STK32B: variants seen among roughly 807,000 people sequenced by gnomAD.
The protein encoded by STK32B is serine/threonine-protein kinase 32B.
STK32B carries 43 observed loss-of-function variants against 52.6 expected under a neutral mutation model. That is an observed-to-expected ratio of 0.82 (90% CI 0.64 to 1.05). The LOEUF is 1.05. Among genes scored for constraint, STK32B ranks in the 50% least tolerant of loss-of-function variants. The pLI, the probability that STK32B is intolerant of heterozygous loss-of-function variation, is 0.00. For missense variants in STK32B, 621 were observed against 534.6 expected (o/e 1.16, Z -1.59); for synonymous variants, 238 against 204.3 (o/e 1.17, Z -1.41).
chr4:5,052,810 A>T lies in STK32B; in HGVS notation c.52+895A>T, dbSNP rs113696508. On this transcript the variant is annotated intron_variant, in intron 1 of 11. Transcript: ENST00000282908. The stretch of plus-strand genomic sequence containing the variant: ...TCAAAGCTGGTTTCCTACTGTGCTG[A>T]CTCGCCAGTCTCCACTGTGCCCCAG... Among the ~76,000 whole-genome samples, 858 of 152,064 alleles carry T rather than the reference A, an allele frequency of 5.6e-3. 7 individuals are homozygous for T. Among genetic ancestry groups the T allele is most frequent in the African/African-American group, 0.014 (585 of 41,466 alleles).
intron 4 of STK32B, among the ~76,000 whole-genome samples, chr4:5,362,116 G>A (rs574966418): frequency 1.3e-5 from 2 of 152,284 alleles, no homozygotes; most frequent in East Asian, 1.9e-4. Context: ...AAGATGTATA[G>A]AACACATTTT....
At chr4:5,145,802 A>G (rs1358697480) in intron 2 of STK32B, among the ~76,000 whole-genome samples, 1 of 152,100 alleles carries the variant, frequency 6.6e-6, no homozygotes, top group Non-Finnish European at 1.5e-5. Context: ...TGTTAATTTT[A>G]TTAGTGGTGT....
chr4:5,353,544 T>TAA (rs138450850), intron 4 of STK32B, among the ~76,000 whole-genome samples: 1 of 142,118 alleles, frequency 7.0e-6, no homozygotes, highest in Non-Finnish European at 1.6e-5. Flanking sequence ...AACTCAACAG[T>TAA]AAAAAAAAAA....
chr4:5,451,612 C>T (rs1379137036), intron 7 of STK32B, among the ~76,000 whole-genome samples: 1 of 152,132 alleles, frequency 6.6e-6, no homozygotes, highest in Admixed American at 6.5e-5. Context: ...GCCCGTGGTA[C>T]AGGTTTCTCC....
intron 4 of STK32B, among the ~76,000 whole-genome samples, chr4:5,332,344 A>G (rs1175269743): frequency 6.6e-6 from 1 of 152,170 alleles, no homozygotes; most frequent in East Asian, 1.9e-4. Context: ...TAATGTTGCT[A>G]CTGGGGAGAG....
intron 11 of STK32B, among the ~76,000 whole-genome samples, chr4:5,473,598 C>G (rs952445438): frequency 1.3e-5 from 2 of 152,130 alleles, no homozygotes; most frequent in East Asian, 3.9e-4. Context: ...ATCAAAATAG[C>G]CCCTGGCCAT....
rs528937420 is a variant in STK32B, at chr4:5,206,229, G to A, written c.260+37779G>A. 1.1e-4 allele frequency among the ~76,000 whole-genome samples: 17 copies of A among 152,282 alleles called. No individual in the cohort carries two copies. In the East Asian group the frequency reaches 3.1e-3, roughly 28 times the overall value. Reference sequence around the variant, plus strand: ...ACCCTTAGAAGCTAATGAAAGTGATGACTGTCTTCTCTTAGGATAATTAAT... The same window carrying A: ...ACCCTTAGAAGCTAATGAAAGTGATAACTGTCTTCTCTTAGGATAATTAAT... On this transcript the variant is annotated intron_variant, in intron 3 of 11. Transcript: ENST00000282908.
chr4:5,091,256 A>G (rs923083066), intron 1 of STK32B, among the ~76,000 whole-genome samples: 1 of 152,172 alleles, frequency 6.6e-6, no homozygotes, highest in African/African-American at 2.4e-5. Flanking sequence ...AAATATTTTT[A>G]TGCATCGAAG....
intron 6 of STK32B, among the ~76,000 whole-genome samples, chr4:5,443,072 A>C (rs1231046620): frequency 2.0e-5 from 3 of 150,146 alleles, no homozygotes; most frequent in African/African-American, 7.4e-5. Context: ...TGAATCTGAC[A>C]ATTATGTGTC....
chr4:5,474,104 ACT>A lies in STK32B; in HGVS notation c.1106+6037_1106+6038del, dbSNP rs372043650. On this transcript the variant is annotated intron_variant, in intron 11 of 11. Coordinates refer to ENST00000282908, the MANE Select transcript of STK32B (RefSeq NM_018401.3). ...ACTCCAGCCTGGGAGACAGAGCGAG[ACT>A]CTGTCTCAAAAAAAAAGAAAAAAAA... 2.6e-4 allele frequency among the ~76,000 whole-genome samples: 40 copies of A among 151,726 alleles called. No homozygotes were observed. In the East Asian group the frequency reaches 3.3e-3, roughly 13 times the overall value.
At chr4:5,373,723 C>T (rs1034405969) in intron 4 of STK32B, among the ~76,000 whole-genome samples, 2 of 152,172 alleles carry the variant, frequency 1.3e-5, no homozygotes, top group African/African-American at 2.4e-5. Context: ...CCCATCCCAC[C>T]GATTTTGTCC....
rs1274995127 is a variant in STK32B, at chr4:5,317,227, T to C, written c.261-13993T>C. Among the ~76,000 whole-genome samples, 5 of 46,502 alleles carry C rather than the reference T, an allele frequency of 1.1e-4. 1 individual carries two copies. In the East Asian group the frequency reaches 2.7e-3, roughly 25 times the overall value. The allele number at this position is 46,502 out of a possible 152,430, so 30.5% of individuals were successfully genotyped here. ...TTATATATATAACATATATATATTA[T>C]ATATAACATATATATATTATATATA... On this transcript the variant is annotated intron_variant, in intron 3 of 11. Transcript: ENST00000282908.
At chr4:5,317,205 T>C (rs1481085332) in intron 3 of STK32B, among the ~76,000 whole-genome samples, 2 of 51,568 alleles carry the variant, frequency 3.9e-5, no homozygotes, top group Non-Finnish European at 5.8e-5. Context: ...ATATATATTA[T>C]ATATATAACA....
chr4:5,031,910 A>C, the STK32B span, among the ~76,000 whole-genome samples: 3 of 152,114 alleles, frequency 2.0e-5, no homozygotes, highest in African/African-American at 7.2e-5. Context: ...CTCTCACCAG[A>C]TCTGTGTCTA....
chr4:5,032,476 C>CAAAAAAAAAAAAAAA, the STK32B span, among the ~76,000 whole-genome samples: 2 of 49,696 alleles, frequency 4.0e-5, no homozygotes, highest in African/African-American at 8.2e-5. Context: ...GACTCCATCT[C>CAAAAAAAAAAAAAAA]AAAAAAAAAA....
intron 1 of STK32B, among the ~76,000 whole-genome samples, chr4:5,106,554 AAAAT>A (rs1383662523): frequency 5.3e-5 from 8 of 152,330 alleles, no homozygotes; most frequent in African/African-American, 1.9e-4. Flanking sequence ...CACACTTAAT[AAAAT>A]AAATAATAGT....
chr4:5,193,582 C>T (rs1168748951), intron 3 of STK32B, among the ~76,000 whole-genome samples: 1 of 152,252 alleles, frequency 6.6e-6, no homozygotes, highest in African/African-American at 2.4e-5. Flanking sequence ...GTTGCTTCTC[C>T]TCCGGCTGTG....
chr4:5,237,816 C>T (rs149930068), intron 3 of STK32B, among the ~76,000 whole-genome samples: 54 of 152,280 alleles, frequency 3.5e-4, no homozygotes, highest in East Asian at 7.7e-4. Flanking sequence ...TGTGTGAGAA[C>T]GCTGGAGATT....
intron 1 of STK32B, among the ~76,000 whole-genome samples, chr4:5,133,818 T>C (rs1002419090): frequency 3.3e-5 from 5 of 152,188 alleles, no homozygotes; most frequent in African/African-American, 1.2e-4. Context: ...GTTGCCCTTT[T>C]GCTACGTCAC....
Sources: allele counts gnomAD v4.1 joint callset (sites outside exome capture counted in the v4.1 genomes callset), GRCh38; gene constraint gnomAD v4.1.1; transcripts MANE v1.5; gene names NCBI Gene and HGNC (gene_info 2026-07-23, HGNC 2026-07-21).